The following GCA variants were observed in gnomAD, a reference collection of about 807,000 sequenced individuals.
The protein encoded by GCA is grancalcin.
Under a neutral mutation model 32.6 loss-of-function variants are expected in GCA, and 30 were observed. That is an observed-to-expected ratio of 0.92 (90% CI 0.69 to 1.25). The LOEUF (loss-of-function observed/expected upper bound fraction) is 1.25, where lower values mean the gene tolerates loss of function less well. GCA is among the 50% of genes most tolerant of loss of function. GCA has a pLI of 0.00. For synonymous variants in GCA, 102 were observed against 84.6 expected (o/e 1.21, Z -1.13); for missense variants, 291 against 266.8 (o/e 1.09, Z -0.63).
rs1227475124 is a variant in GCA, at chr2:162,344,169, T to G, written c.-80T>G. 6.7e-7 allele frequency: 1 copy of G among 1,494,450 alleles called. No individual in the cohort carries two copies. Among genetic ancestry groups the G allele is most frequent in the Non-Finnish European group, 9.3e-7 (1 of 1,072,894 alleles). The allele number at this position is 1,494,450 out of a possible 1,614,324, so 92.6% of individuals were successfully genotyped here. On this transcript the variant is annotated 5_prime_UTR_variant, in exon 1 of 8. Coordinates refer to ENST00000437150, the MANE Select transcript of GCA (RefSeq NM_012198.5). The stretch of plus-strand genomic sequence containing the variant: ...AGCCTCACCTGCAGCTGCGCCTCCT[T>G]GCACCTGCGCCTGTGCTTTTTCTCC...
chr2:162,330,240 G>A (rs933692581), intron 1 of GCA, among the ~76,000 whole-genome samples: 1 of 152,104 alleles, frequency 6.6e-6, no homozygotes, highest in Non-Finnish European at 1.5e-5. Flanking sequence ...GGTCTTGGAG[G>A]AATCACCACA....
chr2:162,324,849 T>A (rs1349468393), intron 1 of GCA, among the ~76,000 whole-genome samples: 1 of 152,202 alleles, frequency 6.6e-6, no homozygotes, highest in Non-Finnish European at 1.5e-5. Flanking sequence ...CGGTTTTAAC[T>A]GCTTCCTGCT....
At chr2:162,337,036 C>A (rs534874080) in intron 1 of GCA, among the ~76,000 whole-genome samples, 1 of 152,248 alleles carries the variant, frequency 6.6e-6, no homozygotes, top group East Asian at 1.9e-4. Context: ...TCTGGAATTT[C>A]TTTTTCTTCA....
Position 162,344,171 on chromosome 2 carries a change from C to A in GCA, c.-78C>A. On this transcript the variant is annotated 5_prime_UTR_variant, in exon 1 of 8. Coordinates refer to ENST00000437150, the MANE Select transcript of GCA (RefSeq NM_012198.5). ...CCTCACCTGCAGCTGCGCCTCCTTG[C>A]ACCTGCGCCTGTGCTTTTTCTCCCA... 1 of 1,512,006 alleles carries A rather than the reference C, an allele frequency of 6.6e-7. No homozygotes were observed. The highest frequency in any genetic ancestry group is 9.2e-7 in the Non-Finnish European group (1 of 1,088,722). The allele number at this position is 1,512,006 out of a possible 1,614,324, so 93.7% of individuals were successfully genotyped here. A position where few individuals can be genotyped will look rare whatever the true frequency, so the allele number is the denominator to read the frequency against.
At chr2:162,329,189 C>T (rs1683991102) in intron 1 of GCA, among the ~76,000 whole-genome samples, 1 of 152,156 alleles carries the variant, frequency 6.6e-6, no homozygotes. Flanking sequence ...TGCCTGTCCT[C>T]ACCTAGGTCC....
chr2:162,361,431 T>C lies in GCA; in HGVS notation c.*1188T>C, dbSNP rs2105357392. 1 of 978,874 alleles carries C rather than the reference T, an allele frequency of 1.0e-6. No homozygotes were observed. Among genetic ancestry groups the C allele is most frequent in the Non-Finnish European group, 1.2e-6 (1 of 824,150 alleles). The allele number at this position is 978,874 out of a possible 1,614,324, so 60.6% of individuals were successfully genotyped here. A position where few individuals can be genotyped will look rare whatever the true frequency, so the allele number is the denominator to read the frequency against. On this transcript the variant is annotated 3_prime_UTR_variant, in exon 8 of 8. Transcript: ENST00000437150. ...ACTTATTTTTCTTATGCTTTAAATG[T>C]GTATTTTCTAACCTAACAGTGAGTG...
At chr2:162,346,048 A>G (rs575368812) in intron 1 of GCA, among the ~76,000 whole-genome samples, 44 of 152,226 alleles carry the variant, frequency 2.9e-4, no homozygotes, top group Non-Finnish European at 4.7e-4. Context: ...TAAAAATTGT[A>G]TTATTTTCTT....
chr2:162,362,084 CTT>C lies in GCA; in HGVS notation c.*1844_*1845del. The C allele has an allele frequency of 1.0e-6, 1 of 983,106 alleles. No homozygotes were observed. Among genetic ancestry groups the C allele is most frequent in the Non-Finnish European group, 1.2e-6 (1 of 828,088 alleles). The allele number at this position is 983,106 out of a possible 1,614,324, so 60.9% of individuals were successfully genotyped here. On this transcript the variant is annotated 3_prime_UTR_variant, in exon 8 of 8. Coordinates refer to ENST00000437150, the MANE Select transcript of GCA (RefSeq NM_012198.5). The stretch of plus-strand genomic sequence containing the variant: ...TTTTCATTTAAAAATGTTCTTATGA[CTT>C]TTGGTCATAGAAGGTCTATGAAGGA...
chr2:162,374,997 C>T (rs2105389975), downstream of GCA, among the ~76,000 whole-genome samples: 1 of 152,110 alleles, frequency 6.6e-6, no homozygotes, highest in African/African-American at 2.4e-5. Context: ...CTAAGCAGAC[C>T]CATTATTTCA....
upstream of GCA, among the ~76,000 whole-genome samples, chr2:162,339,264 C>G (rs1458118105): frequency 3.3e-5 from 5 of 151,926 alleles, no homozygotes; most frequent in Non-Finnish European, 7.4e-5. Flanking sequence ...ATTTTTATGT[C>G]TTATGCAAAT....
intron 3 of GCA, among the ~76,000 whole-genome samples, chr2:162,354,350 A>G (rs2105335582): frequency 1.3e-5 from 2 of 152,254 alleles, no homozygotes; most frequent in South Asian, 4.1e-4. Flanking sequence ...TTCTGCCTGG[A>G]AAGGAGAGGT....
rs530562241 is a variant in GCA, at chr2:162,338,766, C to CT, written c.-30-8811dup. 2.4e-4 allele frequency among the ~76,000 whole-genome samples: 37 copies of CT among 152,212 alleles called. No homozygotes were observed. The East Asian group carries it at 6.2e-3, about 25-fold the overall frequency. ...ATTGAGGATTTTAATCATACTGTTG[C>CT]TGTTCTTATTCAGCATTAGTTGTGG... On this transcript the variant is annotated intron_variant, in intron 1 of 4. Coordinates refer to the GCA transcript ENST00000429691.
At position 162,361,900 on chromosome 2, in the gene GCA, G is replaced by A; in HGVS notation, c.*1657G>A. 1 of 984,586 alleles carries A rather than the reference G, an allele frequency of 1.0e-6. No homozygotes were observed. Among genetic ancestry groups the A allele is most frequent in the Non-Finnish European group, 1.2e-6 (1 of 829,402 alleles). 61.0% of individuals were successfully genotyped at this position (984,586 alleles called of 1,614,324 possible). Reference sequence around the variant, plus strand: ...AGCAACCTGTAATCTTAACATCCAGGTTATACAGATGGTCGTTACTGAACT... The same window carrying A: ...AGCAACCTGTAATCTTAACATCCAGATTATACAGATGGTCGTTACTGAACT... On this transcript the variant is annotated 3_prime_UTR_variant, in exon 8 of 8. Coordinates refer to ENST00000437150, the MANE Select transcript of GCA (RefSeq NM_012198.5).
chr2:162,361,972 TTGAG>T lies in GCA; in HGVS notation c.*1730_*1733del. ...ATCTCTCTTACTTGGAGGCTCACAG[TTGAG>T]GTAAAACTTTTAAAATGACAAATGG... On this transcript the variant is annotated 3_prime_UTR_variant, in exon 8 of 8. Coordinates refer to ENST00000437150, the MANE Select transcript of GCA (RefSeq NM_012198.5). 1 of 983,364 alleles carries T rather than the reference TTGAG, an allele frequency of 1.0e-6. No individual in the cohort carries two copies. The highest frequency in any genetic ancestry group is 1.2e-6 in the Non-Finnish European group (1 of 828,258). 60.9% of individuals were successfully genotyped at this position (983,364 alleles called of 1,614,324 possible). A position where few individuals can be genotyped will look rare whatever the true frequency, so the allele number is the denominator to read the frequency against.
At chr2:162,352,025 C>T (rs1685025407) in intron 2 of GCA, among the ~76,000 whole-genome samples, 1 of 152,100 alleles carries the variant, frequency 6.6e-6, no homozygotes, top group Admixed American at 6.5e-5. Context: ...ACATTTTAGG[C>T]ATTTTTCTAA....
intron 1 of GCA, among the ~76,000 whole-genome samples, chr2:162,331,594 G>T (rs1283482962): frequency 6.6e-6 from 1 of 152,204 alleles, no homozygotes; most frequent in Non-Finnish European, 1.5e-5. Context: ...ACTATGTCAA[G>T]AAATAGCATT....
downstream of GCA, among the ~76,000 whole-genome samples, chr2:162,373,937 A>G (rs1283158313): frequency 6.6e-6 from 1 of 152,180 alleles, no homozygotes; most frequent in Non-Finnish European, 1.5e-5. Context: ...ACCTTCATTG[A>G]TTTCAAAATG....
intron 1 of GCA, among the ~76,000 whole-genome samples, chr2:162,327,170 T>G (rs1036586759): frequency 1.3e-5 from 2 of 152,210 alleles, no homozygotes; most frequent in Middle Eastern, 3.2e-3. Flanking sequence ...GGCTTTGGAT[T>G]CCTTAGGCCC....
downstream of GCA, chr2:162,373,665 A>G (rs771630215): frequency 1.4e-6 from 2 of 1,463,070 alleles, no homozygotes; most frequent in African/African-American, 1.4e-5. Flanking sequence ...ATTCAAGCCT[A>G]CAGAACAGAC....
Sources: gnomAD v4.1 joint callset for allele counts (sites outside exome capture counted in the v4.1 genomes callset) on GRCh38, gnomAD v4.1.1 for gene constraint, MANE v1.5 for transcripts, NCBI Gene and HGNC (gene_info 2026-07-23, HGNC 2026-07-21) for gene names.